TAOK3: variants seen among roughly 807,000 people sequenced by gnomAD.
TAOK3 encodes TAO kinase 3, also known as serine/threonine-protein kinase TAO3.
In TAOK3, 40 loss-of-function variants were observed where a neutral mutation model predicts 120.4. The observed-to-expected ratio is 0.33, with a 90% CI of 0.26 to 0.43. The LOEUF is 0.43. TAOK3 is among the 20% of genes least tolerant of loss of function. The pLI is 1.00. For synonymous variants in TAOK3, 355 were observed against 387.5 expected (o/e 0.92, Z 0.99); for missense variants, 821 against 1,112.1 (o/e 0.74, Z 3.72).
chr12:118,160,177 T>A lies in TAOK3; in HGVS notation c.2321A>T (p.Gln774Leu). The A allele has an allele frequency of 6.2e-7, 1 of 1,614,254 alleles. No individual in the cohort carries two copies. The highest frequency in any genetic ancestry group is 8.5e-7 in the Non-Finnish European group (1 of 1,180,038). Reference sequence around the variant, plus strand: ...AGAGGCCATCATTTCATTTATACTCTGTTCATACTGCTCTGCCAAAATGGC... The same window carrying A: ...AGAGGCCATCATTTCATTTATACTCAGTTCATACTGCTCTGCCAAAATGGC... ...KLAILAEQYE[Q>L]SINEMMASQA... Residue 774 changes from glutamine (Q) to leucine (L), a missense_variant, in exon 19 of 21, where the codon CAG becomes CTG. This residue lies in a region of TAOK3 where 354 missense variants were observed against 572.1 expected (regional missense o/e 0.62). Coordinates refer to ENST00000392533, the MANE Select transcript of TAOK3 (RefSeq NM_016281.4). The surrounding 1 kb of genome is among the most constrained non-coding windows in gnomAD (Gnocchi z 4.2).
In TAOK3 at chr12:118,356,251, A is replaced by G. The variant is rs180994040; in HGVS notation, c.-194+16397T>C. ...GTAGGATAACTTGCATTACTATTTG[A>G]TGGTATTGACAGGATCTCAATATCT... On this transcript the variant is annotated intron_variant, in intron 1 of 20. Transcript: ENST00000392533. Among the ~76,000 whole-genome samples, 415 of 146,742 alleles carry G rather than the reference A, an allele frequency of 2.8e-3. 1 individual carries two copies. Among genetic ancestry groups the G allele is most frequent in the South Asian group, 0.014 (63 of 4,556 alleles).
intron 1 of TAOK3, among the ~76,000 whole-genome samples, chr12:118,369,995 C>T (rs2045853477): frequency 6.6e-6 from 1 of 151,176 alleles, no homozygotes; most frequent in African/African-American, 2.5e-5. Context: ...CTGCCTCAGC[C>T]TCCTGAATAG....
rs57842869 is a variant in TAOK3, at chr12:118,207,345, A to AT, written c.819+5568_819+5569insA. Among the ~76,000 whole-genome samples, 744 of 151,348 alleles carry AT rather than the reference A, an allele frequency of 4.9e-3. 10 individuals carry two copies. Among genetic ancestry groups the AT allele is most frequent in the African/African-American group, 0.017 (699 of 41,218 alleles). ...CCGTCTCAGGAAAAAAAAAAAAAAA[A>AT]GAAAGAAAATCACCCGAAATTCTAC... On this transcript the variant is annotated intron_variant, in intron 11 of 20. Coordinates refer to ENST00000392533, the MANE Select transcript of TAOK3 (RefSeq NM_016281.4).
intron 17 of TAOK3, among the ~76,000 whole-genome samples, chr12:118,171,835 T>G (rs2036014186): frequency 6.6e-6 from 1 of 152,236 alleles, no homozygotes; most frequent in Non-Finnish European, 1.5e-5. Context: ...AGAACTCTGG[T>G]CACACTCATC....
intron 1 of TAOK3, among the ~76,000 whole-genome samples, chr12:118,329,581 TG>T: frequency 6.6e-6 from 1 of 152,190 alleles, no homozygotes; most frequent in African/African-American, 2.4e-5. Context: ...CCCATACTTA[TG>T]GGGGGGTTGG....
chr12:118,268,708 T>C (rs979033788), intron 1 of TAOK3, among the ~76,000 whole-genome samples: 1 of 152,182 alleles, frequency 6.6e-6, no homozygotes, highest in African/African-American at 2.4e-5. Flanking sequence ...AGTTGCTAAA[T>C]TTCTAAGAAA....
chr12:118,240,092 C>T (rs768458971), intron 5 of TAOK3, among the ~76,000 whole-genome samples: 43 of 151,868 alleles, frequency 2.8e-4, no homozygotes, highest in Middle Eastern at 3.4e-3. Flanking sequence ...CGCTGGAACT[C>T]GAGAGGTGGA....
Position 118,185,520 on chromosome 12 carries a change from C to T in TAOK3, c.1330-3913G>A, listed in dbSNP as rs1351899491. ...CATATGATAAAAGTGGCCACCTCAG[C>T]ACTTAGAACAAATGAAATTTATAGC... On this transcript the variant is annotated intron_variant, in intron 14 of 20. Transcript: ENST00000392533. Among the ~76,000 whole-genome samples the T allele has an allele frequency of 2.6e-5, 4 of 152,130 alleles. No homozygotes were observed. The East Asian group carries it at 7.7e-4, about 29-fold the overall frequency.
Position 118,372,052 on chromosome 12 carries a change from C to T in TAOK3, c.-194+596G>A, listed in dbSNP as rs1231103405. Among the ~76,000 whole-genome samples, 1 of 152,036 alleles carries T rather than the reference C, an allele frequency of 6.6e-6. No homozygotes were observed. Among genetic ancestry groups the T allele is most frequent in the African/African-American group, 2.4e-5 (1 of 41,410 alleles). On this transcript the variant is annotated intron_variant, in intron 1 of 20. Transcript: ENST00000392533. This position sits in a 1 kb window ranked among gnomAD's most constrained non-coding sequence, Gnocchi z 4.6. ...CTGTCTTGGCCCTTCCTGGGGTCTTCTCACACTCTGTTCTAAGCCCTCTGG... is the reference window on the plus strand; with the variant it reads ...CTGTCTTGGCCCTTCCTGGGGTCTTTTCACACTCTGTTCTAAGCCCTCTGG...
intron 1 of TAOK3, among the ~76,000 whole-genome samples, chr12:118,353,783 C>G (rs1398857086): frequency 1.3e-5 from 2 of 152,140 alleles, no homozygotes; most frequent in East Asian, 1.9e-4. Flanking sequence ...AAGCCAGGAG[C>G]TGGCTAGGAG....
At chr12:118,260,500 T>G (rs1243714393) in intron 2 of TAOK3, among the ~76,000 whole-genome samples, 3 of 151,896 alleles carry the variant, frequency 2.0e-5, no homozygotes, top group Admixed American at 2.0e-4. Context: ...AGGAGAAAAA[T>G]AATTGAAACC....
chr12:118,199,308 C>T, intron 12 of TAOK3, 51 bp from the exon 13 acceptor site: 1 of 1,424,280 alleles, frequency 7.0e-7, no homozygotes, highest in Non-Finnish European at 9.9e-7. Flanking sequence ...GATAAAGAGT[C>T]AATCCATTGA....
chr12:118,175,288 G>T (rs190879978), intron 16 of TAOK3, among the ~76,000 whole-genome samples: 57 of 152,230 alleles, frequency 3.7e-4, no homozygotes, highest in African/African-American at 1.3e-3. Context: ...AAAAAGAATT[G>T]GAGGAGAACC....
chr12:118,204,077 C>A (rs890852871), intron 11 of TAOK3, among the ~76,000 whole-genome samples: 1 of 151,798 alleles, frequency 6.6e-6, no homozygotes, highest in East Asian at 1.9e-4. Context: ...ACTAGCCTGG[C>A]CAACATGGTG....
chr12:118,186,575 T>C lies in TAOK3; in HGVS notation c.1329+3232A>G, dbSNP rs558120503. 3.9e-5 allele frequency among the ~76,000 whole-genome samples: 6 copies of C among 152,240 alleles called. No individual in the cohort carries two copies. The South Asian group carries it at 1.2e-3, about 32-fold the overall frequency. On this transcript the variant is annotated intron_variant, in intron 14 of 20. Transcript: ENST00000392533. ...AGTCAGATTAGTGATTCTGCAGAAC[T>C]ATATAAACAACTTTTTTCCAGATAA...
intron 1 of TAOK3, among the ~76,000 whole-genome samples, chr12:118,326,673 A>G (rs1443979699): frequency 2.0e-5 from 3 of 152,202 alleles, no homozygotes; most frequent in Non-Finnish European, 4.4e-5. Flanking sequence ...ATTGGTAATA[A>G]TAAAAAATAA....
At chr12:118,169,607 G>A (rs950302999) in intron 17 of TAOK3, among the ~76,000 whole-genome samples, 1 of 151,990 alleles carries the variant, frequency 6.6e-6, no homozygotes, top group Admixed American at 6.6e-5. Context: ...CAGCATGCCC[G>A]GCCTGAGTCA....
At chr12:118,179,787 G>C (rs982961848) in intron 15 of TAOK3, among the ~76,000 whole-genome samples, 3 of 151,786 alleles carry the variant, frequency 2.0e-5, no homozygotes, top group African/African-American at 4.8e-5. Flanking sequence ...TGGGATTACA[G>C]GCACCTGCCA....
intron 1 of TAOK3, among the ~76,000 whole-genome samples, chr12:118,289,418 T>G (rs1374581972): frequency 6.6e-6 from 1 of 151,976 alleles, no homozygotes; most frequent in Non-Finnish European, 1.5e-5. Context: ...AAGAATTGGG[T>G]AAAAATTATT....
Sources: gnomAD v4.1 joint callset for allele counts (sites outside exome capture counted in the v4.1 genomes callset) on GRCh38, gnomAD v4.1.1 for gene constraint, gnomAD v4.1.1 regional missense constraint, Gnocchi (gnomAD v3.1) non-coding constraint, MANE v1.5 for transcripts, NCBI Gene and HGNC (gene_info 2026-07-23, HGNC 2026-07-21) for gene names.